The following VEZT variants were observed in gnomAD, a reference collection of about 807,000 sequenced individuals.
The protein encoded by VEZT is vezatin.
A neutral mutation model predicts 79.9 loss-of-function variants in VEZT; 39 were observed. The ratio of observed to expected loss-of-function variants is 0.49; its 90% CI spans 0.38 to 0.64. VEZT has a LOEUF of 0.64. Among genes scored for constraint, VEZT ranks in the 30% least tolerant of loss-of-function variants. The probability of loss-of-function intolerance (pLI) is 0.00; values close to 1 mark genes in which losing one functional copy is unlikely to be tolerated. For missense variants in VEZT, 837 were observed against 893.1 expected, an observed-to-expected ratio of 0.94 and a Z score of 0.80; for synonymous variants, 325 against 327.6, an observed-to-expected ratio of 0.99 and a Z score of 0.09.
chr12:95,232,567 C>A (rs1161702778), intron 1 of VEZT, among the ~76,000 whole-genome samples: 1 of 152,126 alleles, frequency 6.6e-6, no homozygotes, highest in Non-Finnish European at 1.5e-5. Context: ...ATGCTTTGTG[C>A]CTCATACTCT....
chr12:95,281,011 A>G (rs575960647), intron 7 of VEZT, among the ~76,000 whole-genome samples: 1 of 152,306 alleles, frequency 6.6e-6, no homozygotes, highest in African/African-American at 2.4e-5. Context: ...TTTAAAATTC[A>G]TTTACTAAAA....
At chr12:95,249,847 T>A (rs780991928) in intron 1 of VEZT, among the ~76,000 whole-genome samples, 1 of 152,124 alleles carries the variant, frequency 6.6e-6, no homozygotes, top group Non-Finnish European at 1.5e-5. Flanking sequence ...TAGAGTATAA[T>A]CCTGCTTTTT....
At chr12:95,297,621 T>G (rs2074437559) in intron 11 of VEZT, among the ~76,000 whole-genome samples, 1 of 152,226 alleles carries the variant, frequency 6.6e-6, no homozygotes, top group Admixed American at 6.5e-5. Flanking sequence ...AACACTGCAT[T>G]GATGATGGCT....
intron 6 of VEZT, among the ~76,000 whole-genome samples, chr12:95,271,351 C>T (rs1566196641): frequency 6.6e-6 from 1 of 152,140 alleles, no homozygotes. Context: ...ATATGTACTA[C>T]CTACTTCTAA....
chr12:95,224,089 T>C (rs1198104440), intron 1 of VEZT: 1 of 438,762 alleles, frequency 2.3e-6, no homozygotes, highest in Non-Finnish European at 4.6e-6. Flanking sequence ...TTGGTGATTA[T>C]TTTTCTCCCT....
intron 3 of VEZT, among the ~76,000 whole-genome samples, chr12:95,260,439 T>G (rs982318797): frequency 1.4e-4 from 22 of 152,322 alleles, no homozygotes; most frequent in African/African-American, 4.8e-4. Context: ...ATATTCCTAA[T>G]GCTATTAATA....
intron 7 of VEZT, among the ~76,000 whole-genome samples, chr12:95,278,317 C>T (rs2068218412): frequency 6.6e-6 from 1 of 152,224 alleles, no homozygotes; most frequent in Admixed American, 6.5e-5. Context: ...TCCTTTTGCT[C>T]ACTCACAGTG....
chr12:95,268,240 A>C (rs1351547478), intron 5 of VEZT, among the ~76,000 whole-genome samples: 2 of 152,186 alleles, frequency 1.3e-5, no homozygotes, highest in Non-Finnish European at 2.9e-5. Flanking sequence ...CCACACCTGT[A>C]ATCCCAGCAC....
At position 95,300,771 on chromosome 12, in the gene VEZT, A is replaced by G. The variant is rs1046007; in HGVS notation, c.*98A>G. On this transcript the variant is annotated 3_prime_UTR_variant, in exon 12 of 12. Coordinates refer to ENST00000436874, the MANE Select transcript of VEZT (RefSeq NM_017599.4). ...GAATATGAGTGTAAGTTTACTATAT[A>G]TAAAGCTAAGATGTGGATTTACAGG... 0.12 allele frequency: 169,877 copies of G among 1,397,982 alleles called. 13,504 individuals are homozygous for G. Among genetic ancestry groups the G allele is most frequent in the African/African-American group, 0.36 (24,562 of 69,142 alleles). 86.6% of individuals were successfully genotyped at this position (1,397,982 alleles called of 1,614,324 possible). A position where few individuals can be genotyped will look rare whatever the true frequency, so the allele number is the denominator to read the frequency against.
chr12:95,266,328 A>G (rs2065528640), intron 4 of VEZT, 29 bp from the exon 5 acceptor site: 7 of 1,591,562 alleles, frequency 4.4e-6, no homozygotes, highest in East Asian at 2.2e-5. Flanking sequence ...AATCTGATGC[A>G]TATCATTTTC....
intron 9 of VEZT, chr12:95,290,582 G>A (rs2072485976): frequency 6.6e-6 from 1 of 152,172 alleles, no homozygotes; most frequent in Admixed American, 6.5e-5. Flanking sequence ...GTACTCTTAA[G>A]TTGGCAAAGG....
chr12:95,278,599 G>A (rs562776555), intron 7 of VEZT, among the ~76,000 whole-genome samples: 5 of 152,200 alleles, frequency 3.3e-5, no homozygotes, highest in Non-Finnish European at 5.9e-5. Flanking sequence ...TTTTAAAAGT[G>A]TGTTGCCCCC....
chr12:95,278,679 A>G (rs941624823), intron 7 of VEZT, among the ~76,000 whole-genome samples: 1 of 152,232 alleles, frequency 6.6e-6, no homozygotes, highest in African/African-American at 2.4e-5. Context: ...GTTTAGTGAT[A>G]GTAAGTATTG....
Position 95,302,070 on chromosome 12 carries a change from A to G in VEZT, c.*1397A>G, listed in dbSNP as rs2140033349. 1 of 152,340 alleles carries G rather than the reference A, an allele frequency of 6.6e-6. No homozygotes were observed. Among genetic ancestry groups the G allele is most frequent in the African/African-American group, 2.4e-5 (1 of 41,588 alleles). 9.4% of individuals were successfully genotyped at this position (152,340 alleles called of 1,614,324 possible). A position where few individuals can be genotyped will look rare whatever the true frequency, so the allele number is the denominator to read the frequency against. ...TTGGGCCTTGCTTTACTACTTAGAA[A>G]TAGCTAAATTTCAATTTTAAAAATC... On this transcript the variant is annotated 3_prime_UTR_variant, in exon 12 of 12. Transcript: ENST00000436874.
intron 1 of VEZT, among the ~76,000 whole-genome samples, chr12:95,236,404 G>A (rs2060199405): frequency 6.6e-6 from 1 of 152,166 alleles, no homozygotes; most frequent in Non-Finnish European, 1.5e-5. Context: ...GCATCAGAGG[G>A]AGACCGTGGA....
chr12:95,225,473 C>G (rs918580761), intron 1 of VEZT, among the ~76,000 whole-genome samples: 3 of 152,122 alleles, frequency 2.0e-5, no homozygotes, highest in Non-Finnish European at 2.9e-5. Context: ...AGGAGAATGG[C>G]GTAAACCCAG....
chr12:95,234,273 C>G (rs533238780), intron 1 of VEZT, among the ~76,000 whole-genome samples: 1 of 144,114 alleles, frequency 6.9e-6, no homozygotes, highest in Non-Finnish European at 1.5e-5. Flanking sequence ...GCCAAATTTT[C>G]TATCAATAAT....
intron 1 of VEZT, among the ~76,000 whole-genome samples, chr12:95,244,556 T>A (rs896289193): frequency 6.6e-6 from 1 of 151,760 alleles, no homozygotes. Context: ...ATTTGGGTGA[T>A]ACGTCACTTT....
intron 1 of VEZT, among the ~76,000 whole-genome samples, chr12:95,231,080 CT>C (rs1216496086): frequency 6.6e-6 from 1 of 152,122 alleles, no homozygotes; most frequent in Non-Finnish European, 1.5e-5. Context: ...TAAGGTTACT[CT>C]TTTTAAAAAT....
Sources: gnomAD v4.1 joint callset for allele counts (sites outside exome capture counted in the v4.1 genomes callset) on GRCh38, gnomAD v4.1.1 for gene constraint, MANE v1.5 for transcripts, NCBI Gene and HGNC (gene_info 2026-07-23, HGNC 2026-07-21) for gene names.